Variants in PBX1 observed in about 807,000 individuals in gnomAD.
PBX1 encodes pre-B-cell leukemia transcription factor 1.
In PBX1, 6 loss-of-function variants were observed where a neutral mutation model predicts 53.4. That is an observed-to-expected ratio of 0.11 (90% CI 0.06 to 0.22). The LOEUF (loss-of-function observed/expected upper bound fraction) is 0.22, where lower values mean the gene tolerates loss of function less well. PBX1 is among the 10% of genes least tolerant of loss of function. The pLI is 1.00. For missense variants in PBX1, 251 were observed against 551.4 expected, an observed-to-expected ratio of 0.46 and a Z score of 5.46; for synonymous variants, 204 against 212.3, an observed-to-expected ratio of 0.96 and a Z score of 0.34.
At chr1:164,808,418 A>T (rs535948811) in intron 5 of PBX1, among the ~76,000 whole-genome samples, 1 of 152,244 alleles carries the variant, frequency 6.6e-6, no homozygotes, top group Non-Finnish European at 1.5e-5. Context: ...CTGAACCTCA[A>T]ATACCACCAC....
intron 2 of PBX1, among the ~76,000 whole-genome samples, chr1:164,679,629 C>A (rs1040623638): frequency 6.6e-6 from 1 of 152,116 alleles, no homozygotes; most frequent in Non-Finnish European, 1.5e-5. Context: ...AAACCCAACA[C>A]CTGTATTGAA....
intron 2 of PBX1, among the ~76,000 whole-genome samples, chr1:164,882,032 C>A (rs1672671807): frequency 6.6e-6 from 1 of 152,052 alleles, no homozygotes; most frequent in Non-Finnish European, 1.5e-5. Flanking sequence ...CCCTGATATC[C>A]TTCTGATTTA....
At chr1:164,592,197 C>T (rs1346628433) in intron 2 of PBX1, among the ~76,000 whole-genome samples, 2 of 152,076 alleles carry the variant, frequency 1.3e-5, no homozygotes, top group Non-Finnish European at 2.9e-5. Flanking sequence ...AGAGCAACAG[C>T]GATTCTTTCC....
chr1:164,563,146 T>A, intron 1 of PBX1, 92 bp from the exon 2 acceptor site: 1 of 824,168 alleles, frequency 1.2e-6, no homozygotes, highest in South Asian at 1.6e-5. Context: ...TATATAATTT[T>A]GTCTAAATGT....
chr1:164,882,960 T>G (rs1200686408), intron 2 of PBX1, among the ~76,000 whole-genome samples: 1 of 152,210 alleles, frequency 6.6e-6, no homozygotes, highest in Admixed American at 6.5e-5. Context: ...CCTCAAGCTC[T>G]AGCATTCTAA....
Position 164,715,917 on chromosome 1 carries a change from G to T in PBX1, c.266-76577G>T, listed in dbSNP as rs115078365. Among the ~76,000 whole-genome samples the T allele has an allele frequency of 3.4e-3, 521 of 152,204 alleles. 3 individuals carry two copies. Among genetic ancestry groups the T allele is most frequent in the African/African-American group, 0.012 (504 of 41,520 alleles). ...CTCATGCCTACACTATGAGATGATG[G>T]CTTACAAAGGCCTATTGCCCACTTA... On this transcript the variant is annotated intron_variant, in intron 2 of 8. Coordinates refer to ENST00000420696, the MANE Select transcript of PBX1 (RefSeq NM_002585.4).
chr1:164,625,824 A>AT, intron 2 of PBX1: 1 of 482,430 alleles, frequency 2.1e-6, no homozygotes, highest in African/African-American at 2.3e-5. Flanking sequence ...AAAAAAAAAA[A>AT]GAAAAAAAAC....
intron 2 of PBX1, among the ~76,000 whole-genome samples, chr1:164,882,072 A>C (rs1302343140): frequency 6.6e-6 from 1 of 151,276 alleles, no homozygotes; most frequent in Non-Finnish European, 1.5e-5. Flanking sequence ...AACCTGAGTC[A>C]GTTTCATGCA....
chr1:164,704,438 A>G (rs1663308775), intron 2 of PBX1, among the ~76,000 whole-genome samples: 1 of 152,206 alleles, frequency 6.6e-6, no homozygotes, highest in Non-Finnish European at 1.5e-5. Flanking sequence ...GAAGTATATA[A>G]AACTGTAAAT....
At chr1:164,777,493 C>T (rs1571388143) in intron 2 of PBX1, among the ~76,000 whole-genome samples, 1 of 152,318 alleles carries the variant, frequency 6.6e-6, no homozygotes, top group East Asian at 1.9e-4. Context: ...ATTCCAGAGA[C>T]TCTGACCATA....
At chr1:164,654,784 C>G (rs1660048565) in intron 2 of PBX1, among the ~76,000 whole-genome samples, 1 of 152,208 alleles carries the variant, frequency 6.6e-6, no homozygotes, top group South Asian at 2.1e-4. Context: ...AATGGAAGAA[C>G]CAAGATAGTT....
chr1:164,689,999 G>A lies in PBX1; in HGVS notation c.266-102495G>A, dbSNP rs569178499. On this transcript the variant is annotated intron_variant, in intron 2 of 8. Coordinates refer to ENST00000420696, the MANE Select transcript of PBX1 (RefSeq NM_002585.4). The stretch of plus-strand genomic sequence containing the variant: ...AACTGCCTTGATTACTTCTACTGCT[G>A]TACCCATTATGTGAATTAAATATGT... Among the ~76,000 whole-genome samples, 92 of 152,290 alleles carry A rather than the reference G, an allele frequency of 6.0e-4. 1 individual carries two copies. The highest frequency in any genetic ancestry group is 2.9e-3 in the Admixed American group (45 of 15,304).
intron 8 of PBX1, among the ~76,000 whole-genome samples, chr1:164,840,080 G>T (rs190053672): frequency 6.6e-6 from 1 of 152,084 alleles, no homozygotes; most frequent in Non-Finnish European, 1.5e-5. Flanking sequence ...TCACTTTCTC[G>T]GTCTTTAAGG....
chr1:164,841,449 C>T (rs1307744887), intron 8 of PBX1, among the ~76,000 whole-genome samples: 1 of 152,138 alleles, frequency 6.6e-6, no homozygotes, highest in African/African-American at 2.4e-5. Flanking sequence ...AAGATTTCAA[C>T]AGGGAGATGA....
intron 2 of PBX1, among the ~76,000 whole-genome samples, chr1:164,755,788 T>G (rs1480763779): frequency 6.6e-6 from 1 of 151,948 alleles, no homozygotes; most frequent in Non-Finnish European, 1.5e-5. Context: ...CAATCGCCCA[T>G]CATGGGACTA....
chr1:164,630,236 T>A (rs890265615), intron 2 of PBX1, among the ~76,000 whole-genome samples: 2 of 152,206 alleles, frequency 1.3e-5, no homozygotes, highest in African/African-American at 4.8e-5. Flanking sequence ...TTGCATAATT[T>A]GTTCTTGGAT....
intron 2 of PBX1, among the ~76,000 whole-genome samples, chr1:164,651,489 T>G (rs1313941138): frequency 6.6e-6 from 1 of 152,018 alleles, no homozygotes; most frequent in Non-Finnish European, 1.5e-5. Context: ...CCTAATGAAT[T>G]CCGCTGTGGC....
At chr1:164,664,046 A>G (rs1189126073) in intron 2 of PBX1, among the ~76,000 whole-genome samples, 2 of 152,250 alleles carry the variant, frequency 1.3e-5, no homozygotes, top group Non-Finnish European at 2.9e-5. Flanking sequence ...CTGAGCAGCC[A>G]CTTTGCATTT....
At chr1:164,687,074 A>C (rs536166763) in intron 2 of PBX1, among the ~76,000 whole-genome samples, 4 of 152,216 alleles carry the variant, frequency 2.6e-5, no homozygotes, top group Non-Finnish European at 5.9e-5. Flanking sequence ...TCATGGTGGC[A>C]TGGGCACCAG....
Sources: allele counts gnomAD v4.1 joint callset (sites outside exome capture counted in the v4.1 genomes callset), GRCh38; gene constraint gnomAD v4.1.1; transcripts MANE v1.5; gene names NCBI Gene and HGNC (gene_info 2026-07-23, HGNC 2026-07-21).